The following FNTB variants were observed in gnomAD, a reference collection of about 807,000 sequenced individuals.
The protein encoded by FNTB is protein farnesyltransferase subunit beta.
Under a neutral mutation model 59.4 loss-of-function variants are expected in FNTB, and 27 were observed. That is an observed-to-expected ratio of 0.45 (90% CI 0.34 to 0.63). FNTB has a LOEUF of 0.63. Among genes scored for constraint, FNTB ranks in the 20% least tolerant of loss-of-function variants. The pLI, the probability that FNTB is intolerant of heterozygous loss-of-function variation, is 0.02. For missense variants in FNTB, 449 were observed against 559.6 expected, an observed-to-expected ratio of 0.80 and a Z score of 1.99; for synonymous variants, 230 against 220.7, an observed-to-expected ratio of 1.04 and a Z score of -0.37.
At position 65,044,486 on chromosome 14, in the gene FNTB, T is replaced by A; in HGVS notation, c.955+43T>A. On this transcript the variant is annotated intron_variant, in intron 9 of 11. Transcript: ENST00000246166. The surrounding 1 kb of genome is among the most constrained non-coding windows in gnomAD (Gnocchi z 5.5). ...TTCACTTGGGGCTGGATGATTTCCC[T>A]CCACTACTCACAAAGTCTGGAAGCC... 6.4e-7 allele frequency: 1 copy of A among 1,573,016 alleles called. No individual in the cohort carries two copies. The highest frequency in any genetic ancestry group is 1.2e-5 in the South Asian group (1 of 84,476).
intron 2 of FNTB, chr14:65,006,282 T>TAA: frequency 6.2e-7 from 1 of 1,613,722 alleles, no homozygotes; most frequent in East Asian, 2.2e-5. Flanking sequence ...TCATCTTTGT[T>TAA]CCCTGGGGAA....
chr14:65,040,751 C>T, intron 7 of FNTB, 39 bp from the exon 8 acceptor site: 1 of 1,602,240 alleles, frequency 6.2e-7, no homozygotes, highest in Non-Finnish European at 8.5e-7. Context: ...TACGTCCACT[C>T]ACTGGCCACT....
Position 65,020,578 on chromosome 14 carries a change from C to T in FNTB, c.374+4862C>T, listed in dbSNP as rs181119908. Among the ~76,000 whole-genome samples, 282 of 151,238 alleles carry T rather than the reference C, an allele frequency of 1.9e-3. 2 individuals carry two copies. The highest frequency in any genetic ancestry group is 3.5e-3 in the African/African-American group (144 of 41,196). On this transcript the variant is annotated intron_variant, in intron 4 of 11. Coordinates refer to ENST00000246166, the MANE Select transcript of FNTB (RefSeq NM_002028.4). The stretch of plus-strand genomic sequence containing the variant: ...GTAGCTGGGACTACAGGCATACAGG[C>T]GGGAGCCACCACACCCGGCTAATTT...
intron 4 of FNTB, among the ~76,000 whole-genome samples, chr14:65,024,472 CTG>C (rs2061944630): frequency 1.3e-5 from 2 of 152,114 alleles, no homozygotes; most frequent in South Asian, 2.1e-4. Flanking sequence ...GACTGGGTCT[CTG>C]TATTCTTTTA....
rs906451405 is a variant in FNTB at position 65,023,439 on chromosome 14, A to T, written c.375-4014A>T. 6.6e-6 allele frequency among the ~76,000 whole-genome samples: 1 copy of T among 152,182 alleles called. No homozygotes were observed. Among genetic ancestry groups the T allele is most frequent in the Non-Finnish European group, 1.5e-5 (1 of 68,040 alleles). On this transcript the variant is annotated intron_variant, in intron 4 of 11. Transcript: ENST00000246166. The surrounding 1 kb of genome is among the most constrained non-coding windows in gnomAD (Gnocchi z 4.1). ...TTATAAGGCTGAGAGGCAATCGCTG[A>T]TATCCCTGCTTTGAACTTGACCCTC...
At chr14:65,024,505 A>G (rs2061945388) in intron 4 of FNTB, among the ~76,000 whole-genome samples, 3 of 152,174 alleles carry the variant, frequency 2.0e-5, no homozygotes, top group Admixed American at 2.0e-4. Context: ...ACAGATTCTG[A>G]TGCACACATT....
rs149108349 is a variant in FNTB at position 64,988,302 on chromosome 14, G to A, written c.144+1205G>A. Among the ~76,000 whole-genome samples the A allele has an allele frequency of 3.8e-3, 572 of 152,228 alleles. 5 individuals are homozygous for A. The highest frequency in any genetic ancestry group is 0.013 in the African/African-American group (556 of 41,528). ...TTGCCTACCAGTGTGTCCCAGGGAA[G>A]GCTGACTGCAAAAGATTGTAAAGAA... is the stretch of plus-strand genomic sequence containing the variant. On this transcript the variant is annotated intron_variant, in intron 1 of 11. Transcript: ENST00000246166.
At chr14:65,058,707 T>G (rs2062796981) in intron 11 of FNTB, among the ~76,000 whole-genome samples, 7 of 152,242 alleles carry the variant, frequency 4.6e-5, no homozygotes, top group Admixed American at 4.6e-4. Context: ...GAATGCTTTC[T>G]CCGCATCTGA....
At position 65,030,619 on chromosome 14, in the gene FNTB, G is replaced by A. The variant is rs2062062130; in HGVS notation, c.606-1991G>A. ...TAGCCAGGTGTGGTGGCATGCATCT[G>A]TAGCCTCAGCTGCTTAGGAGGCTGA... On this transcript the variant is annotated intron_variant, in intron 6 of 11. Coordinates refer to ENST00000246166, the MANE Select transcript of FNTB (RefSeq NM_002028.4). This position sits in a 1 kb window ranked among gnomAD's most constrained non-coding sequence, Gnocchi z 4.5. 6.6e-6 allele frequency among the ~76,000 whole-genome samples: 1 copy of A among 152,044 alleles called. No individual in the cohort carries two copies.
Position 65,055,795 on chromosome 14 carries a change from G to T in FNTB, c.1182+1106G>T, listed in dbSNP as rs2062723132. The stretch of plus-strand genomic sequence containing the variant: ...GCCTCCCAAGGTGCCAGGATTACAT[G>T]TGTGAGCCACCACGCCTGGCCCCAT... On this transcript the variant is annotated intron_variant, in intron 11 of 11. Coordinates refer to ENST00000246166, the MANE Select transcript of FNTB (RefSeq NM_002028.4). Among the ~76,000 whole-genome samples, 9 of 152,328 alleles carry T rather than the reference G, an allele frequency of 5.9e-5. No individual in the cohort carries two copies. The South Asian group carries it at 1.9e-3, about 32-fold the overall frequency.
chr14:64,996,140 A>G (rs1054012072), intron 1 of FNTB, among the ~76,000 whole-genome samples: 6 of 150,448 alleles, frequency 4.0e-5, no homozygotes, highest in African/African-American at 1.5e-4. Flanking sequence ...AAAAAAAAAA[A>G]GAAAAAAGAA....
At chr14:65,039,478 G>A (rs1182569144) in intron 7 of FNTB, among the ~76,000 whole-genome samples, 1 of 152,192 alleles carries the variant, frequency 6.6e-6, no homozygotes, top group East Asian at 1.9e-4. Context: ...TCTTATATAA[G>A]TTTGCAACCA....
chr14:65,035,759 C>A (rs149181259), intron 7 of FNTB, among the ~76,000 whole-genome samples: 1 of 152,114 alleles, frequency 6.6e-6, no homozygotes, highest in African/African-American at 2.4e-5. Flanking sequence ...GGCTTGAACT[C>A]CTGGGCTCAG....
chr14:65,027,678 C>T lies in FNTB; in HGVS notation c.522-20C>T. ...CACGCACTGACTGTTGCCTCTCCTA[C>T]CTCTTTCCCTGTTTCTCAGAGAGAA... On this transcript the variant is annotated intron_variant, in intron 5 of 11. Transcript: ENST00000246166. This position sits in a 1 kb window ranked among gnomAD's most constrained non-coding sequence, Gnocchi z 5.7. 1 of 1,614,194 alleles carries T rather than the reference C, an allele frequency of 6.2e-7. No homozygotes were observed. Among genetic ancestry groups the T allele is most frequent in the South Asian group, 1.1e-5 (1 of 91,084 alleles).
At chr14:64,987,313 G>A (rs550696936) in intron 1 of FNTB, 3 of 601,378 alleles carry the variant, frequency 5.0e-6, no homozygotes, top group Admixed American at 3.0e-5. Context: ...TCAAGGTTGG[G>A]CTTGGAGGAG....
At chr14:64,987,136 G>A in intron 1 of FNTB, 39 bp downstream of exon 1, 3 of 1,611,078 alleles carry the variant, frequency 1.9e-6, no homozygotes, top group South Asian at 2.2e-5. Flanking sequence ...CGCGCGATGT[G>A]TTCTGGGAGC....
At position 64,996,123 on chromosome 14, in the gene FNTB, CAAAAAAAAAA is replaced by C. The variant is rs60137057; in HGVS notation, c.145-8118_145-8109del. ...GCATGACAAGAGCAAAACTCTGTCTCAAAAAAAAAAAAAAAAAGAAAAAAGAAAAGAAACA... is the reference window on the plus strand; with the variant it reads ...GCATGACAAGAGCAAAACTCTGTCTCAAAAAAAGAAAAAAGAAAAGAAACA... On this transcript the variant is annotated intron_variant, in intron 1 of 11. Coordinates refer to ENST00000246166, the MANE Select transcript of FNTB (RefSeq NM_002028.4). Among the ~76,000 whole-genome samples, 335 of 82,554 alleles carry C rather than the reference CAAAAAAAAAA, an allele frequency of 4.1e-3. 1 individual carries two copies. The highest frequency in any genetic ancestry group is 0.014 in the African/African-American group (319 of 23,246). The allele number at this position is 82,554 out of a possible 152,430, so 54.2% of individuals were successfully genotyped here. A position where few individuals can be genotyped will look rare whatever the true frequency, so the allele number is the denominator to read the frequency against.
At chr14:65,018,664 G>A (rs1002894081) in intron 4 of FNTB, among the ~76,000 whole-genome samples, 3 of 150,438 alleles carry the variant, frequency 2.0e-5, no homozygotes, top group Admixed American at 2.0e-4. Context: ...ATAAAAATTA[G>A]CCTGGCTTGG....
Position 65,054,483 on chromosome 14 carries a change from G to A in FNTB, c.1068-92G>A. ...ACATGGAGGATGGGGGGGGACGTGT[G>A]ATTGCACCAGTGGTCTCTGAATTGG... On this transcript the variant is annotated intron_variant, in intron 10 of 11. Transcript: ENST00000246166. The surrounding 1 kb of genome is among the most constrained non-coding windows in gnomAD (Gnocchi z 4.4). 2.3e-6 allele frequency: 3 copies of A among 1,290,962 alleles called. No individual in the cohort carries two copies. The highest frequency in any genetic ancestry group is 1.5e-5 in the African/African-American group (1 of 68,240). The allele number at this position is 1,290,962 out of a possible 1,614,324, so 80.0% of individuals were successfully genotyped here. A position where few individuals can be genotyped will look rare whatever the true frequency, so the allele number is the denominator to read the frequency against.
Sources: gnomAD v4.1 joint callset for allele counts (sites outside exome capture counted in the v4.1 genomes callset) on GRCh38, gnomAD v4.1.1 for gene constraint, Gnocchi (gnomAD v3.1) non-coding constraint, MANE v1.5 for transcripts, NCBI Gene and HGNC (gene_info 2026-07-23, HGNC 2026-07-21) for gene names.